The following ARRDC5 variants were observed in gnomAD, a reference collection of about 807,000 sequenced individuals.
The protein encoded by ARRDC5 is arrestin domain-containing protein 5.
In ARRDC5, 12 loss-of-function variants were observed where a neutral mutation model predicts 13.3. The observed-to-expected ratio is 0.90, with a 90% confidence interval of 0.58 to 1.46. The LOEUF (loss-of-function observed/expected upper bound fraction) is 1.46. Among genes scored for constraint, ARRDC5 ranks in the 40% most tolerant of loss-of-function variants. The pLI, the probability that ARRDC5 is intolerant of heterozygous loss-of-function variation, is 0.00. For synonymous variants in ARRDC5, 181 were observed against 173.4 expected (o/e 1.04, Z -0.34); for missense variants, 406 against 418.7 (o/e 0.97, Z 0.26).
Position 4,896,654 on chromosome 19 carries a change from C to A in ARRDC5, c.459+17G>T, listed in dbSNP as rs747739793. The A allele has an allele frequency of 2.1e-5, 33 of 1,593,364 alleles. No homozygotes were observed. In the South Asian group the frequency reaches 3.5e-4, roughly 17 times the overall value. On this transcript the variant is annotated intron_variant, in intron 2 of 2. Transcript: ENST00000650722. ...GCTTGGAGATTGTTCCCACCTCCAC[C>A]TTTCCCCCATCGGTACCTGGAATGG...
the ARRDC5 span, among the ~76,000 whole-genome samples, chr19:4,914,251 C>T: frequency 2.0e-5 from 3 of 152,084 alleles, no homozygotes; most frequent in Non-Finnish European, 4.4e-5. Flanking sequence ...TGGACAGTGG[C>T]GGGAAGGCGG....
intron 1 of ARRDC5, among the ~76,000 whole-genome samples, chr19:4,898,828 T>C (rs761389275): frequency 1.6e-4 from 24 of 151,672 alleles, no homozygotes; most frequent in Non-Finnish European, 3.1e-4. Context: ...GGTTTTGCCA[T>C]GTTGGTCAGG....
chr19:4,914,697 G>T, the ARRDC5 span, among the ~76,000 whole-genome samples: 16 of 149,816 alleles, frequency 1.1e-4, no homozygotes, highest in African/African-American at 4.0e-4. Flanking sequence ...AACAATAGCT[G>T]TCTTTTGCGG....
At chr19:4,903,524 T>A (rs28689007), upstream of ARRDC5, 29,405 of 151,904 alleles carry the variant, frequency 0.19, 2,972 homozygotes, top group Middle Eastern at 0.28. Flanking sequence ...TTATTTTTTG[T>A]GATGGTCTCA....
At chr19:4,894,432 A>C (rs1197700479) in intron 2 of ARRDC5, among the ~76,000 whole-genome samples, 2 of 138,416 alleles carry the variant, frequency 1.4e-5, no homozygotes, top group Admixed American at 8.0e-5. Context: ...AATGGCGTGA[A>C]CCCGGGAGGT....
intron 2 of ARRDC5, among the ~76,000 whole-genome samples, chr19:4,896,361 TACAC>T (rs71170877): frequency 0.017 from 1,405 of 84,688 alleles, 27 homozygotes; most frequent in East Asian, 0.031. Context: ...TTTTTTTTTT[TACAC>T]ACACACACAC....
chr19:4,896,344 A>ATT (rs2031717900), intron 2 of ARRDC5, among the ~76,000 whole-genome samples: 1 of 72,586 alleles, frequency 1.4e-5, no homozygotes, highest in African/African-American at 7.8e-5. Context: ...ATATATATAT[A>ATT]TATATTTTTT....
chr19:4,894,656 C>A (rs1352269808), intron 2 of ARRDC5, among the ~76,000 whole-genome samples: 1 of 145,770 alleles, frequency 6.9e-6, no homozygotes, highest in Non-Finnish European at 1.5e-5. Flanking sequence ...TGCCCTCCAG[C>A]CTGGGCGACA....
the ARRDC5 span, chr19:4,910,034 C>CG: frequency 1.2e-5 from 2 of 163,644 alleles, no homozygotes; most frequent in Admixed American, 6.5e-5. Flanking sequence ...GGGGAGCGAG[C>CG]GGGGCGGGGC....
At chr19:4,909,376 G>C in the ARRDC5 span, 5 of 609,412 alleles carry the variant, frequency 8.2e-6, no homozygotes, top group South Asian at 5.5e-5. Flanking sequence ...AGGCGGGGGC[G>C]CCCCCCACCC....
upstream of ARRDC5, among the ~76,000 whole-genome samples, chr19:4,905,437 A>G (rs1034613891): frequency 3.3e-5 from 5 of 151,286 alleles, no homozygotes; most frequent in Non-Finnish European, 1.5e-5. Flanking sequence ...GTAGTTTCTT[A>G]AAACATTATG....
In ARRDC5 at chr19:4,902,884, G is replaced by A. The variant is rs770286415; in HGVS notation, c.-59C>T. 3 of 1,611,046 alleles carry A rather than the reference G, an allele frequency of 1.9e-6. No homozygotes were observed. The highest frequency in any genetic ancestry group is 1.1e-5 in the South Asian group (1 of 90,876). ...GTCCCCCATGTCCCTGAAATTCCCGGTTCGTTGGCCCTAGTGAGGTAATCC... is the reference window on the plus strand; with the variant it reads ...GTCCCCCATGTCCCTGAAATTCCCGATTCGTTGGCCCTAGTGAGGTAATCC... On this transcript the variant is annotated 5_prime_UTR_variant, in exon 1 of 3. Transcript: ENST00000650722.
chr19:4,907,509 A>T (rs1365047839), upstream of ARRDC5, among the ~76,000 whole-genome samples: 1 of 152,054 alleles, frequency 6.6e-6, no homozygotes, highest in Non-Finnish European at 1.5e-5. Context: ...ACCTCCAGTT[A>T]TCTGCCTGCC....
At chr19:4,901,148 G>A (rs1216167900) in intron 1 of ARRDC5, among the ~76,000 whole-genome samples, 6 of 151,116 alleles carry the variant, frequency 4.0e-5, no homozygotes, top group Non-Finnish European at 5.9e-5. Context: ...TCAAAAAAAC[G>A]AAAACAAAAA....
In ARRDC5 at chr19:4,896,852, T is replaced by C. The variant is rs1488728318; in HGVS notation, c.278A>G (p.His93Arg). ...VEDNWLSAGS[H>R]TFDFHFNLPP... Reference sequence around the variant, plus strand: ...TAAGTTGAAATGGAAGTCAAAGGTGTGGCTGCCTGCACTTAACCAATTATC... The same window carrying C: ...TAAGTTGAAATGGAAGTCAAAGGTGCGGCTGCCTGCACTTAACCAATTATC... Residue 93 changes from histidine (H) to arginine (R), a missense_variant, in exon 2 of 3, where the codon CAC becomes CGC. Coordinates refer to ENST00000650722, the MANE Select transcript of ARRDC5 (RefSeq NM_001080523.3). 1 of 1,613,356 alleles carries C rather than the reference T, an allele frequency of 6.2e-7. No homozygotes were observed.
At chr19:4,896,360 T>TACACA (rs1568396021) in intron 2 of ARRDC5, among the ~76,000 whole-genome samples, 98 of 70,276 alleles carry the variant, frequency 1.4e-3, no homozygotes, top group African/African-American at 2.2e-3. Flanking sequence ...TTTTTTTTTT[T>TACACA]TACACACACA....
At chr19:4,909,914 C>G in the ARRDC5 span, among the ~76,000 whole-genome samples, 5 of 150,944 alleles carry the variant, frequency 3.3e-5, no homozygotes, top group Admixed American at 6.6e-5. Flanking sequence ...GGCGAGCCGC[C>G]GGGGAGGATG....
upstream of ARRDC5, chr19:4,903,403 C>G (rs1295028763): frequency 6.5e-6 from 1 of 153,580 alleles, no homozygotes; most frequent in East Asian, 1.9e-4. Flanking sequence ...ACATCTGCCT[C>G]CCGGGTTCAA....
chr19:4,902,912 C>T, upstream of ARRDC5: 1 of 1,591,402 alleles, frequency 6.3e-7, no homozygotes, highest in Non-Finnish European at 8.6e-7. Flanking sequence ...GGTAATCCAT[C>T]TATGACATCA....
Sources: gnomAD v4.1 joint callset for allele counts (sites outside exome capture counted in the v4.1 genomes callset) on GRCh38, gnomAD v4.1.1 for gene constraint, MANE v1.5 for transcripts, NCBI Gene and HGNC (gene_info 2026-07-23, HGNC 2026-07-21) for gene names.